BNC2: variants seen among roughly 807,000 people sequenced by gnomAD.
BNC2 encodes basonuclin zinc finger protein 2, also known as zinc finger protein basonuclin-2.
A neutral mutation model predicts 76.3 loss-of-function variants in BNC2; 20 were observed. The observed-to-expected ratio is 0.26, with a 90% CI of 0.18 to 0.38. The LOEUF (loss-of-function observed/expected upper bound fraction) is 0.38. Ranked by LOEUF, BNC2 falls within the 10% of genes least tolerant of loss-of-function variation. The probability of loss-of-function intolerance (pLI) is 1.00; values close to 1 mark genes in which losing one functional copy is unlikely to be tolerated. For missense variants in BNC2, 1,382 were observed against 1,399.8 expected, an observed-to-expected ratio of 0.99 and a Z score of 0.20; for synonymous variants, 582 against 514.8, an observed-to-expected ratio of 1.13 and a Z score of -1.77.
At chr9:16,565,620 C>A (rs1054573545) in intron 4 of BNC2, among the ~76,000 whole-genome samples, 2 of 151,872 alleles carry the variant, frequency 1.3e-5, no homozygotes, top group Admixed American at 6.6e-5. Flanking sequence ...TCAGCCTAAG[C>A]AACACGGTGA....
chr9:16,560,929 GA>G (rs1209907945), intron 4 of BNC2, among the ~76,000 whole-genome samples: 1 of 152,168 alleles, frequency 6.6e-6, no homozygotes, highest in African/African-American at 2.4e-5. Flanking sequence ...TCAGAAGTAA[GA>G]GGGTTGTTTT....
intron 3 of BNC2, among the ~76,000 whole-genome samples, chr9:16,591,617 A>G (rs1819931128): frequency 6.6e-6 from 1 of 152,210 alleles, no homozygotes; most frequent in African/African-American, 2.4e-5. Context: ...ATCAGTGATT[A>G]TAAAACTGAT....
In BNC2 at chr9:16,799,838, T is replaced by A. The variant is rs10962608; in HGVS notation, c.4-61353A>T. 2.6e-5 allele frequency among the ~76,000 whole-genome samples: 4 copies of A among 151,976 alleles called. No homozygotes were observed. The South Asian group carries it at 6.2e-4, about 24-fold the overall frequency. On this transcript the variant is annotated intron_variant, in intron 1 of 6. Transcript: ENST00000380672. ...TTGTCAGATTTTGTTTTTTCAGAACTTTTTTACCTTCCAAAATCCTATTTT... is the reference window on the plus strand; with the variant it reads ...TTGTCAGATTTTGTTTTTTCAGAACATTTTTACCTTCCAAAATCCTATTTT...
At chr9:16,664,915 A>G (rs1473918250) in intron 3 of BNC2, 1 of 317,472 alleles carries the variant, frequency 3.1e-6, no homozygotes, top group African/African-American at 2.4e-5. Context: ...CTATTCTTAG[A>G]TTCAGAATAT....
chr9:16,613,915 C>T (rs1820622749), intron 3 of BNC2, among the ~76,000 whole-genome samples: 1 of 151,518 alleles, frequency 6.6e-6, no homozygotes, highest in Non-Finnish European at 1.5e-5. Context: ...CATGAGACAA[C>T]TCGATTACAA....
At chr9:16,808,159 A>AC in intron 1 of BNC2, among the ~76,000 whole-genome samples, 1 of 152,364 alleles carries the variant, frequency 6.6e-6, no homozygotes, top group South Asian at 2.1e-4. Flanking sequence ...TGTTAGACGT[A>AC]TTTCAATATT....
rs187193835 is a variant in BNC2 at position 16,839,391 on chromosome 9, A to G, written c.3+31255T>C. Among the ~76,000 whole-genome samples, 27 of 152,320 alleles carry G rather than the reference A, an allele frequency of 1.8e-4. No individual in the cohort carries two copies. In the East Asian group the frequency reaches 5.0e-3, roughly 28 times the overall value. ...TTTTGTACCAGTCTTCCTTCTATGTAGTACTAAAATACTGCCCAAATTACT... is the reference window on the plus strand; with the variant it reads ...TTTTGTACCAGTCTTCCTTCTATGTGGTACTAAAATACTGCCCAAATTACT... On this transcript the variant is annotated intron_variant, in intron 1 of 6. Transcript: ENST00000380672.
At chr9:16,468,070 CTCACCTG>C (rs1309329844) in intron 5 of BNC2, among the ~76,000 whole-genome samples, 1 of 115,668 alleles carries the variant, frequency 8.6e-6, no homozygotes, top group Admixed American at 1.1e-4. Flanking sequence ...GAGACAGGTT[CTCACCTG>C]TCACCCAGGC....
chr9:16,854,227 T>C (rs1819198951), intron 1 of BNC2, among the ~76,000 whole-genome samples: 1 of 152,238 alleles, frequency 6.6e-6, no homozygotes, highest in African/African-American at 2.4e-5. Context: ...GGGAAGCTGC[T>C]AGAATTAACC....
chr9:16,786,566 T>C (rs1043060591), intron 1 of BNC2, among the ~76,000 whole-genome samples: 5 of 152,136 alleles, frequency 3.3e-5, no homozygotes, highest in Non-Finnish European at 7.4e-5. Flanking sequence ...ACAACAGATA[T>C]GAAATGTAAA....
Position 16,519,679 on chromosome 9 carries a change from T to C in BNC2, c.669+32851A>G, listed in dbSNP as rs567896826. Among the ~76,000 whole-genome samples the C allele has an allele frequency of 7.9e-5, 12 of 152,334 alleles. No individual in the cohort carries two copies. In the South Asian group the frequency reaches 2.5e-3, roughly 32 times the overall value. ...TACTTGTGGAGTTCTCATTAGGTAC[T>C]AAGCACTTAACTACCATTTTCTCCA... On this transcript the variant is annotated intron_variant, in intron 5 of 6. Coordinates refer to ENST00000380672, the MANE Select transcript of BNC2 (RefSeq NM_017637.6).
chr9:16,862,086 G>T (rs940034822), intron 1 of BNC2, among the ~76,000 whole-genome samples: 1 of 152,090 alleles, frequency 6.6e-6, no homozygotes, highest in African/African-American at 2.4e-5. Context: ...AAATGCTGCA[G>T]TTGCGTTGGA....
intron 3 of BNC2, among the ~76,000 whole-genome samples, chr9:16,640,145 T>C (rs1821450761): frequency 2.0e-5 from 3 of 151,910 alleles, no homozygotes; most frequent in Non-Finnish European, 4.4e-5. Flanking sequence ...GTCCTTAATT[T>C]TGCCAAGTCA....
chr9:16,870,462 G>A (rs1268076901), intron 1 of BNC2, among the ~76,000 whole-genome samples, 184 bp downstream of exon 1: 1 of 151,992 alleles, frequency 6.6e-6, no homozygotes, highest in Non-Finnish European at 1.5e-5. Context: ...CACTGGGAGC[G>A]CAGCGGGGAT....
At chr9:16,760,476 T>A (rs80325640) in intron 1 of BNC2, among the ~76,000 whole-genome samples, 2,577 of 152,196 alleles carry the variant, frequency 0.017, 64 homozygotes, top group African/African-American at 0.057. Flanking sequence ...GGGAGGAGGT[T>A]GGATAAAATG....
At position 16,418,667 on chromosome 9, in the gene BNC2, T is replaced by C. The variant is rs201620930; in HGVS notation, c.*322A>G. ...CAAAACTGGGGCTAGTTGCACACTG[T>C]GTGTGTGTGTGTGTGTGTGTGTGTA... On this transcript the variant is annotated 3_prime_UTR_variant, in exon 7 of 7. Coordinates refer to ENST00000380672, the MANE Select transcript of BNC2 (RefSeq NM_017637.6). 1.2e-5 allele frequency: 3 copies of C among 240,616 alleles called. No homozygotes were observed. The East Asian group carries it at 3.0e-4, about 24-fold the overall frequency. 14.9% of individuals were successfully genotyped at this position (240,616 alleles called of 1,614,324 possible). A position where few individuals can be genotyped will look rare whatever the true frequency, so the allele number is the denominator to read the frequency against.
At chr9:16,673,750 T>A (rs1343145218) in intron 3 of BNC2, among the ~76,000 whole-genome samples, 3 of 152,228 alleles carry the variant, frequency 2.0e-5, no homozygotes, top group Non-Finnish European at 2.9e-5. Context: ...AATTTCTGCA[T>A]CCACATGCTT....
intron 5 of BNC2, among the ~76,000 whole-genome samples, chr9:16,541,550 G>C (rs1311070710): frequency 6.6e-6 from 1 of 152,198 alleles, no homozygotes; most frequent in Non-Finnish European, 1.5e-5. Context: ...TGGCAGAGAT[G>C]ACAGCACAGA....
At chr9:16,565,216 CA>C (rs1405511728) in intron 4 of BNC2, among the ~76,000 whole-genome samples, 1 of 152,124 alleles carries the variant, frequency 6.6e-6, no homozygotes, top group Non-Finnish European at 1.5e-5. Flanking sequence ...ATGACGTCCC[CA>C]GCCTCTTCAC....
Sources: gnomAD v4.1 joint callset for allele counts (sites outside exome capture counted in the v4.1 genomes callset) on GRCh38, gnomAD v4.1.1 for gene constraint, MANE v1.5 for transcripts, NCBI Gene and HGNC (gene_info 2026-07-23, HGNC 2026-07-21) for gene names.